Variants in SLC12A5 observed in about 807,000 individuals in gnomAD.
The protein encoded by SLC12A5 is solute carrier family 12 member 5.
Under a neutral mutation model 124.0 loss-of-function variants are expected in SLC12A5, and 18 were observed. The ratio of observed to expected loss-of-function variants is 0.15; its 90% CI spans 0.10 to 0.22. SLC12A5 has a LOEUF of 0.22. SLC12A5 is among the 10% of genes least tolerant of loss of function. The pLI is 1.00. For synonymous variants in SLC12A5, 589 were observed against 568.0 expected (o/e 1.04, Z -0.53); for missense variants, 867 against 1,478.7 (o/e 0.59, Z 6.78).
intron 13 of SLC12A5, 118 bp from the exon 14 acceptor site, chr20:46,046,220 A>G (rs1232464628): frequency 2.1e-6 from 2 of 962,130 alleles, no homozygotes; most frequent in African/African-American, 1.6e-5. Context: ...GCACCACAGC[A>G]TGATCTGGCC....
At chr20:46,030,246 C>T (rs1415114418) in intron 1 of SLC12A5, among the ~76,000 whole-genome samples, 1 of 152,286 alleles carries the variant, frequency 6.6e-6, no homozygotes, top group African/African-American at 2.4e-5. Flanking sequence ...TTAGTTAGCT[C>T]TGCTAGCTTC....
chr20:46,031,389 C>T lies in SLC12A5; in HGVS notation c.52+1993C>T, dbSNP rs1329040684. On this transcript the variant is annotated intron_variant, in intron 1 of 25. Transcript: ENST00000243964. ...TGTGGGTCCCAGAGAGAGAAGTCCC[C>T]CCTCCTCCAAGCGGTGCTTGGAGAT... Among the ~76,000 whole-genome samples the T allele has an allele frequency of 3.3e-5, 5 of 152,100 alleles. No individual in the cohort carries two copies. In the South Asian group the frequency reaches 8.3e-4, roughly 25 times the overall value.
At position 46,043,670 on chromosome 20, in the gene SLC12A5, G is replaced by A; in HGVS notation, c.1275G>A (p.Arg425=). The stretch of plus-strand genomic sequence containing the variant: ...GTTCTAACCGCTCTGGGGACCTGAG[G>A]GATGCCCAGAAGTCAATCCCCACTG... The part of the protein sequence containing the change: ...MAGSNRSGDL[R]DAQKSIPTGT... Residue 425 remains arginine (R), a synonymous_variant, in exon 10 of 26, where the codon AGG becomes AGA. Coordinates refer to ENST00000243964, the MANE Select transcript of SLC12A5 (RefSeq NM_020708.5). 6.2e-7 allele frequency: 1 copy of A among 1,614,148 alleles called. No homozygotes were observed. Among genetic ancestry groups the A allele is most frequent in the South Asian group, 1.1e-5 (1 of 91,072 alleles).
At position 46,041,447 on chromosome 20, in the gene SLC12A5, C is replaced by G. The variant is rs766208736; in HGVS notation, c.973C>G (p.Arg325Gly). The G allele has an allele frequency of 6.2e-7, 1 of 1,614,156 alleles. No individual in the cohort carries two copies. Among genetic ancestry groups the G allele is most frequent in the South Asian group, 1.1e-5 (1 of 91,074 alleles). ...TRLWGLFCSS[R>G]FLNATCDEYF... ...GCTATGGGGCCTTTTCTGCTCCTCTCGCTTCCTCAACGCCACCTGTGATGA... is the reference window on the plus strand; with the variant it reads ...GCTATGGGGCCTTTTCTGCTCCTCTGGCTTCCTCAACGCCACCTGTGATGA... Residue 325 changes from arginine (R) to glycine (G), a missense_variant, in exon 8 of 26, where the codon CGC (arginine) becomes GGC (glycine). Physicochemically the swap from Arg to Gly is moderately radical, Grantham distance 125. Around this residue, in one of 9 missense-constraint regions of SLC12A5, gnomAD observed 127 missense variants for 164.1 expected, o/e 0.77. Coordinates refer to ENST00000243964, the MANE Select transcript of SLC12A5 (RefSeq NM_020708.5).
At chr20:46,033,475 G>A (rs1020636418) in intron 1 of SLC12A5, among the ~76,000 whole-genome samples, 5 of 152,220 alleles carry the variant, frequency 3.3e-5, no homozygotes, top group Non-Finnish European at 7.4e-5. Flanking sequence ...CTTTCTCCTC[G>A]AGTGATCTCA....
chr20:46,040,343 GT>G (rs1568861018), intron 6 of SLC12A5, 29 bp from the exon 7 acceptor site: 1 of 1,610,824 alleles, frequency 6.2e-7, no homozygotes, highest in Non-Finnish European at 8.5e-7. Flanking sequence ...GCTGACTTAG[GT>G]ATCTGTTCTT....
At chr20:46,043,439 C>T (rs2084565921) in intron 9 of SLC12A5, 116 bp downstream of exon 9, 1 of 1,345,664 alleles carries the variant, frequency 7.4e-7, no homozygotes, top group Admixed American at 1.9e-5. Flanking sequence ...GCAACCGTAA[C>T]ATTTCACTTC....
At chr20:46,035,259 C>G in intron 2 of SLC12A5, 145 bp from the exon 3 acceptor site, 1 of 1,118,508 alleles carries the variant, frequency 8.9e-7, no homozygotes, top group Non-Finnish European at 1.3e-6. Context: ...CCCCTGTTCT[C>G]CTCACCTGTT....
Position 46,045,173 on chromosome 20 carries a change from T to A in SLC12A5, c.1569+33T>A, listed in dbSNP as rs377766377. 13 of 1,532,932 alleles carry A rather than the reference T, an allele frequency of 8.5e-6. No homozygotes were observed. Among genetic ancestry groups the A allele is most frequent in the Non-Finnish European group, 1.1e-5 (13 of 1,144,974 alleles). 95.0% of individuals were successfully genotyped at this position (1,532,932 alleles called of 1,614,324 possible). ...TGGGAGAAGAACAGCCCACCCTCAG[T>A]AGACCAGCCAGGCCCCTGCCCAGAG... On this transcript the variant is annotated intron_variant, in intron 12 of 25. Coordinates refer to ENST00000243964, the MANE Select transcript of SLC12A5 (RefSeq NM_020708.5). The surrounding 1 kb of genome is among the most constrained non-coding windows in gnomAD (Gnocchi z 4.9).
chr20:46,023,182 C>G (rs2084370722), intron 2 of SLC12A5: 1 of 397,748 alleles, frequency 2.5e-6, no homozygotes, highest in African/African-American at 2.1e-5. Context: ...GCCTGGAATT[C>G]CGAATGGCCC....
chr20:46,023,627 A>G (rs1600582439), downstream of SLC12A5: 1 of 395,648 alleles, frequency 2.5e-6, no homozygotes, highest in Non-Finnish European at 4.4e-6. Flanking sequence ...TCTTGTCCAC[A>G]TTCATTCTCC....
rs2084367398 is a variant in SLC12A5 at position 46,022,946 on chromosome 20, AGGAG to A, written c.67_70del (p.Gly23GlufsTer54). 4.3e-5 allele frequency: 10 copies of A among 234,096 alleles called. No individual in the cohort carries two copies. In the South Asian group the frequency reaches 2.6e-3, roughly 61 times the overall value. 14.5% of individuals were successfully genotyped at this position (234,096 alleles called of 1,614,324 possible). A position where few individuals can be genotyped will look rare whatever the true frequency, so the allele number is the denominator to read the frequency against. On this transcript the variant is annotated frameshift_variant, in exon 2 of 3. Coordinates refer to the SLC12A5 transcript ENST00000413737. LOFTEE classifies it high-confidence loss of function. ...GGCTTGTAGTGGCCCCAGCGAGGGGAGGAGGAGGAGGAGGAGGAGGAGGAGGAGG... is the reference window on the plus strand; with the variant it reads ...GGCTTGTAGTGGCCCCAGCGAGGGGAGAGGAGGAGGAGGAGGAGGAGGAGG...
At chr20:46,046,211 C>A in intron 13 of SLC12A5, 127 bp from the exon 14 acceptor site, 2 of 902,210 alleles carry the variant, frequency 2.2e-6, no homozygotes, top group Non-Finnish European at 3.6e-6. Context: ...CCTTCCTAAG[C>A]ACCACAGCAT....
chr20:46,038,951 C>T (rs78008129), intron 6 of SLC12A5, among the ~76,000 whole-genome samples: 4,482 of 152,244 alleles, frequency 0.029, 171 homozygotes, highest in Admixed American at 0.12. Context: ...TCCATGACTT[C>T]TAAAAATTAA....
chr20:46,033,082 T>C (rs979066127), intron 1 of SLC12A5, among the ~76,000 whole-genome samples: 1 of 152,168 alleles, frequency 6.6e-6, no homozygotes, highest in African/African-American at 2.4e-5. Flanking sequence ...GGTGGGTTTC[T>C]TTGGAGCAGG....
upstream of SLC12A5, among the ~76,000 whole-genome samples, chr20:46,026,029 A>G (rs1016077227): frequency 6.6e-6 from 1 of 152,178 alleles, no homozygotes; most frequent in Admixed American, 6.5e-5. Context: ...CAGTGGATGG[A>G]GTCCCGGACA....
intron 14 of SLC12A5, 119 bp from the exon 15 acceptor site, chr20:46,047,335 G>A (rs943272848): frequency 1.8e-5 from 24 of 1,345,632 alleles, no homozygotes; most frequent in Middle Eastern, 2.4e-4. Flanking sequence ...CCCCTAGACC[G>A]GGCTGTCACC....
At chr20:46,048,164 G>A in intron 16 of SLC12A5, 79 bp downstream of exon 16, 1 of 1,301,788 alleles carries the variant, frequency 7.7e-7, no homozygotes, top group Non-Finnish European at 1.1e-6. Context: ...GAAGGGAGCA[G>A]GGCCTGACTT....
chr20:46,053,030 C>A lies in SLC12A5; in HGVS notation c.2451C>A (p.Asn817Lys). 2 of 1,614,182 alleles carry A rather than the reference C, an allele frequency of 1.2e-6. No homozygotes were observed. Among genetic ancestry groups the A allele is most frequent in the Non-Finnish European group, 8.5e-7 (1 of 1,180,006 alleles). ...AGAACGTTTCCATGTTTCCTGGGAA[C>A]CCTGAGCGCTTCTCTGAGGGCAGCA... is the stretch of plus-strand genomic sequence containing the variant. Reference protein sequence around the residue: ...VTKNVSMFPGNPERFSEGSID... With the variant: ...VTKNVSMFPGKPERFSEGSID... Residue 817 changes from asparagine (N) to lysine (K), a missense_variant, in exon 19 of 26, where the codon AAC (asparagine) becomes AAA (lysine). Around this residue, in one of 9 missense-constraint regions of SLC12A5, gnomAD observed 110 missense variants for 149.9 expected, o/e 0.73. Transcript: ENST00000243964. The surrounding 1 kb of genome is among the most constrained non-coding windows in gnomAD (Gnocchi z 4.7).
Sources: gnomAD v4.1 joint callset for allele counts (sites outside exome capture counted in the v4.1 genomes callset) on GRCh38, gnomAD v4.1.1 for gene constraint, gnomAD v4.1.1 regional missense constraint, Gnocchi (gnomAD v3.1) non-coding constraint, MANE v1.5 for transcripts, NCBI Gene and HGNC (gene_info 2026-07-23, HGNC 2026-07-21) for gene names.